The following COL25A1 variants were observed in gnomAD, a reference collection of about 807,000 sequenced individuals.
COL25A1 encodes the protein collagen alpha-1(XXV) chain.
COL25A1 carries 103 observed loss-of-function variants against 128.4 expected under a neutral mutation model. The observed-to-expected ratio is 0.80, with a 90% confidence interval of 0.68 to 0.94. The LOEUF is 0.94. Among genes scored for constraint, COL25A1 ranks in the 40% least tolerant of loss-of-function variants. The pLI, the probability that COL25A1 is intolerant of heterozygous loss-of-function variation, is 0.00. For missense variants in COL25A1, 745 were observed against 840.0 expected (o/e 0.89, Z 1.40); for synonymous variants, 279 against 277.2 (o/e 1.01, Z -0.06).
At chr4:109,262,287 G>T (rs1441262287) in intron 3 of COL25A1, among the ~76,000 whole-genome samples, 2 of 152,122 alleles carry the variant, frequency 1.3e-5, no homozygotes, top group Non-Finnish European at 2.9e-5. Context: ...GCCGAGGCGG[G>T]TGGATCATCT....
At chr4:109,205,769 G>A (rs1776931479) in intron 3 of COL25A1, among the ~76,000 whole-genome samples, 1 of 152,052 alleles carries the variant, frequency 6.6e-6, no homozygotes, top group African/African-American at 2.4e-5. Context: ...ATAATTCAGG[G>A]GCTCTTGACA....
rs72885126 is a variant in COL25A1, at chr4:109,084,287, C to T, written c.368-34108G>A. Among the ~76,000 whole-genome samples the T allele has an allele frequency of 3.5e-3, 526 of 152,214 alleles. 3 individuals carry two copies. Among genetic ancestry groups the T allele is most frequent in the African/African-American group, 0.012 (503 of 41,526 alleles). ...ATTTGAAAGGGACTTCCCTAACTAA[C>T]GTGTTGAAAGACAAAAATGAATAAA... On this transcript the variant is annotated intron_variant, in intron 3 of 37. Coordinates refer to ENST00000399132, the MANE Select transcript of COL25A1 (RefSeq NM_198721.4).
chr4:109,292,711 A>G (rs949054484), intron 3 of COL25A1, among the ~76,000 whole-genome samples: 1 of 152,068 alleles, frequency 6.6e-6, no homozygotes, highest in East Asian at 1.9e-4. Context: ...ACCAGTTAGC[A>G]TGTGTCAGGA....
At chr4:109,095,374 T>G (rs1765305143) in intron 3 of COL25A1, among the ~76,000 whole-genome samples, 1 of 152,186 alleles carries the variant, frequency 6.6e-6, no homozygotes, top group Non-Finnish European at 1.5e-5. Flanking sequence ...TATACTGGTG[T>G]TTTTTTAAAA....
At chr4:108,961,957 C>T (rs553077040) in intron 8 of COL25A1, among the ~76,000 whole-genome samples, 115 of 152,200 alleles carry the variant, frequency 7.6e-4, no homozygotes, top group African/African-American at 2.6e-3. Flanking sequence ...TTAGATTTTT[C>T]TTCCCCTGCC....
intron 5 of COL25A1, among the ~76,000 whole-genome samples, chr4:109,024,539 CAT>C (rs1328442923): frequency 1.3e-5 from 2 of 151,704 alleles, no homozygotes; most frequent in South Asian, 2.1e-4. Context: ...AGAAAGAAAA[CAT>C]GTACAAAAAT....
chr4:109,234,441 A>G (rs1230291299), intron 3 of COL25A1, among the ~76,000 whole-genome samples: 1 of 152,144 alleles, frequency 6.6e-6, no homozygotes, highest in Non-Finnish European at 1.5e-5. Context: ...TTAGTTTCAG[A>G]AAAGAGTAGG....
intron 3 of COL25A1, among the ~76,000 whole-genome samples, chr4:109,230,321 T>G (rs1024364447): frequency 1.1e-4 from 16 of 152,248 alleles, no homozygotes; most frequent in African/African-American, 3.6e-4. Context: ...GGGAAGTCCC[T>G]ATTTTAGATT....
chr4:109,089,577 C>T (rs146767690), intron 3 of COL25A1, among the ~76,000 whole-genome samples: 1 of 152,238 alleles, frequency 6.6e-6, no homozygotes, highest in Non-Finnish European at 1.5e-5. Flanking sequence ...AGGACAGTTA[C>T]ATCTATTATT....
intron 37 of COL25A1, 148 bp downstream of exon 37, chr4:108,817,249 C>A: frequency 1.6e-6 from 1 of 635,622 alleles, no homozygotes; most frequent in Non-Finnish European, 2.7e-6. Flanking sequence ...AGGAAGAAAT[C>A]AGCAGTAAAT....
intron 19 of COL25A1, among the ~76,000 whole-genome samples, chr4:108,874,327 G>T (rs927931896): frequency 1.3e-5 from 2 of 152,122 alleles, no homozygotes; most frequent in Non-Finnish European, 2.9e-5. Context: ...CTTAATGAAT[G>T]GGACATAGGA....
At chr4:108,862,467 CAT>C in intron 22 of COL25A1, 32 bp downstream of exon 22, 1 of 1,541,054 alleles carries the variant, frequency 6.5e-7, no homozygotes, top group East Asian at 2.2e-5. Context: ...TTGAAGGCCT[CAT>C]GTTATATTTA....
intron 6 of COL25A1, 22 bp from the exon 7 acceptor site, chr4:108,974,581 A>C: frequency 2.5e-6 from 4 of 1,586,236 alleles, no homozygotes; most frequent in Non-Finnish European, 3.4e-6. Context: ...AAAGAGAAAA[A>C]AAATTTTAAT....
rs560456950 is a variant in COL25A1 at position 109,107,047 on chromosome 4, G to A, written c.368-56868C>T. ...GCCTCCCGAAGTGTTGGGATTACAGGCATGAGCCACACGACTAGCCCATTT... is the reference window on the plus strand; with the variant it reads ...GCCTCCCGAAGTGTTGGGATTACAGACATGAGCCACACGACTAGCCCATTT... On this transcript the variant is annotated intron_variant, in intron 3 of 37. Transcript: ENST00000399132. Among the ~76,000 whole-genome samples the A allele has an allele frequency of 8.5e-5, 13 of 152,200 alleles. No individual in the cohort carries two copies. In the South Asian group the frequency reaches 2.7e-3, roughly 32 times the overall value.
chr4:109,074,825 G>A (rs1763256494), intron 3 of COL25A1, among the ~76,000 whole-genome samples: 1 of 152,104 alleles, frequency 6.6e-6, no homozygotes, highest in Admixed American at 6.5e-5. Context: ...AGTTACTAGA[G>A]TGCCATTGAT....
chr4:109,109,388 T>C (rs1766778620), intron 3 of COL25A1, among the ~76,000 whole-genome samples: 2 of 152,226 alleles, frequency 1.3e-5, no homozygotes, highest in Admixed American at 6.5e-5. Context: ...CCTCTTTTCA[T>C]GTCTACCACC....
chr4:108,955,023 G>C (rs1381561592), intron 8 of COL25A1, among the ~76,000 whole-genome samples: 1 of 151,570 alleles, frequency 6.6e-6, no homozygotes, highest in African/African-American at 2.4e-5. Flanking sequence ...GGTGGCATCT[G>C]GGATACCGAG....
intron 5 of COL25A1, among the ~76,000 whole-genome samples, chr4:109,039,454 G>T (rs1347215485): frequency 6.6e-6 from 1 of 152,120 alleles, no homozygotes; most frequent in African/African-American, 2.4e-5. Flanking sequence ...CTTTGAAAAT[G>T]CTAACCTCTT....
chr4:109,050,923 C>G (rs946098587), intron 3 of COL25A1, among the ~76,000 whole-genome samples: 1 of 151,180 alleles, frequency 6.6e-6, no homozygotes, highest in Non-Finnish European at 1.5e-5. Flanking sequence ...GACCACCAAG[C>G]TAGTATGTAT....
Sources: gnomAD v4.1 joint callset for allele counts (sites outside exome capture counted in the v4.1 genomes callset) on GRCh38, gnomAD v4.1.1 for gene constraint, MANE v1.5 for transcripts, NCBI Gene and HGNC (gene_info 2026-07-23, HGNC 2026-07-21) for gene names.